Variants in AGTPBP1 observed in about 807,000 individuals in gnomAD.
The protein encoded by AGTPBP1 is cytosolic carboxypeptidase 1.
In AGTPBP1, 70 loss-of-function variants were observed where a neutral mutation model predicts 143.9. The ratio of observed to expected loss-of-function variants is 0.49; its 90% CI spans 0.40 to 0.59. AGTPBP1 has a LOEUF of 0.59. AGTPBP1 is among the 20% of genes least tolerant of loss of function. The pLI is 0.00. For missense variants in AGTPBP1, 1,229 were observed against 1,464.5 expected, an observed-to-expected ratio of 0.84 and a Z score of 2.62; for synonymous variants, 463 against 500.2, an observed-to-expected ratio of 0.93 and a Z score of 0.99.
the AGTPBP1 span, among the ~76,000 whole-genome samples, chr9:85,804,758 C>T: frequency 1.1e-4 from 17 of 152,328 alleles, no homozygotes; most frequent in Middle Eastern, 3.4e-3. Flanking sequence ...GAGATAACGT[C>T]AAAGCGCCCT....
chr9:85,673,626 G>A (rs1372064371), intron 6 of AGTPBP1, among the ~76,000 whole-genome samples: 3 of 152,082 alleles, frequency 2.0e-5, no homozygotes, highest in African/African-American at 7.2e-5. Context: ...AGAATGTTAA[G>A]ATTTATAGTA....
intron 14 of AGTPBP1, among the ~76,000 whole-genome samples, chr9:85,627,872 C>A (rs1249571863): frequency 6.6e-6 from 1 of 152,118 alleles, no homozygotes; most frequent in African/African-American, 2.4e-5. Flanking sequence ...AAATAATGTA[C>A]AAAATAAGTG....
chr9:85,741,674 C>A (rs1824298092), intron 1 of AGTPBP1, 101 bp downstream of exon 1: 4 of 1,254,992 alleles, frequency 3.2e-6, no homozygotes, highest in Middle Eastern at 3.1e-4. Flanking sequence ...GATCCGGGGT[C>A]GCCCCTCCTA....
intron 14 of AGTPBP1, among the ~76,000 whole-genome samples, chr9:85,627,070 AAGAG>A (rs1831346807): frequency 6.6e-6 from 1 of 152,192 alleles, no homozygotes; most frequent in Non-Finnish European, 1.5e-5. Flanking sequence ...AAGCCTACAA[AAGAG>A]AAACAGAGAG....
chr9:85,552,913 A>C (rs1257098035), intron 25 of AGTPBP1, among the ~76,000 whole-genome samples: 1 of 152,230 alleles, frequency 6.6e-6, no homozygotes, highest in Non-Finnish European at 1.5e-5. Context: ...CATTGCCTAA[A>C]TTATTGGCAA....
chr9:85,633,031 C>T lies in AGTPBP1; in HGVS notation c.1646G>A (p.Gly549Asp), dbSNP rs754300157. The part of the protein sequence containing the change: ...LQNIPSQTAP[G>D]FTAEMKKDCS... ...GTCCTTCTTCATTTCTGCAGTAAAA[C>T]CTGGGGCTGTTTGAGAAGGAATATT... is the stretch of plus-strand genomic sequence containing the variant. The change falls in exon 14 of 26, where the codon GGT becomes GAT. Residue 549 changes from glycine (G) to aspartate (D), a missense_variant. Gly to Asp is a moderately conservative substitution (Grantham distance 94). Around this residue, in one of 2 missense-constraint regions of AGTPBP1, gnomAD observed 743 missense variants for 812.2 expected, o/e 0.91. Transcript: ENST00000357081. The T allele has an allele frequency of 1.1e-5, 17 of 1,614,018 alleles. No homozygotes were observed. The highest frequency in any genetic ancestry group is 1.3e-5 in the Non-Finnish European group (15 of 1,180,038).
chr9:85,614,719 T>C (rs917330993), intron 17 of AGTPBP1, among the ~76,000 whole-genome samples: 16 of 152,074 alleles, frequency 1.1e-4, no homozygotes, highest in African/African-American at 4.8e-5. Flanking sequence ...AGAAACACAG[T>C]GGTACTAGAT....
Position 85,677,723 on chromosome 9 carries a change from C to T in AGTPBP1, c.290-141G>A, listed in dbSNP as rs529713938. 120 of 723,438 alleles carry T rather than the reference C, an allele frequency of 1.7e-4. No individual in the cohort carries two copies. The African/African-American group carries it at 1.9e-3, about 12-fold the overall frequency. 44.8% of individuals were successfully genotyped at this position (723,438 alleles called of 1,614,324 possible). ...GACCTCTAAAATCAAACAAATAAGG[C>T]TGGGCGCAGTAGCTCACGCCTGTAA... On this transcript the variant is annotated intron_variant, in intron 5 of 25. Coordinates refer to ENST00000357081, the MANE Select transcript of AGTPBP1 (RefSeq NM_001330701.2).
chr9:85,740,412 G>A (rs1056440846), intron 1 of AGTPBP1, among the ~76,000 whole-genome samples: 1 of 152,222 alleles, frequency 6.6e-6, no homozygotes, highest in Non-Finnish European at 1.5e-5. Context: ...TGCATGATGA[G>A]AAACAGTGGG....
intron 2 of AGTPBP1, among the ~76,000 whole-genome samples, chr9:85,697,436 T>C: frequency 6.9e-6 from 1 of 143,964 alleles, no homozygotes; most frequent in South Asian, 2.2e-4. Flanking sequence ...GGGTCTTAAT[T>C]TGTTTTTTGT....
chr9:85,706,124 G>T (rs768080250), intron 2 of AGTPBP1, among the ~76,000 whole-genome samples: 1 of 151,654 alleles, frequency 6.6e-6, no homozygotes, highest in Non-Finnish European at 1.5e-5. Context: ...AAGGAGCTAC[G>T]CCAACGAGAA....
At chr9:85,643,106 T>C (rs1012739214) in intron 12 of AGTPBP1, 163 bp from the exon 13 acceptor site, 7 of 593,892 alleles carry the variant, frequency 1.2e-5, no homozygotes, top group East Asian at 2.9e-5. Flanking sequence ...AATTTGCTTA[T>C]TGTTTTGGGG....
intron 14 of AGTPBP1, among the ~76,000 whole-genome samples, chr9:85,625,839 C>T (rs1475656070): frequency 2.9e-4 from 43 of 147,966 alleles, no homozygotes; most frequent in African/African-American, 9.7e-4. Flanking sequence ...GAGCCAAGAT[C>T]GTGCCACTGC....
chr9:85,719,013 G>A (rs1279902629), intron 1 of AGTPBP1, among the ~76,000 whole-genome samples: 1 of 152,130 alleles, frequency 6.6e-6, no homozygotes, highest in African/African-American at 2.4e-5. Context: ...CCTCTGTTCT[G>A]TTCCATTGGT....
intron 25 of AGTPBP1, among the ~76,000 whole-genome samples, chr9:85,573,307 T>C (rs1195809871): frequency 6.6e-6 from 1 of 152,212 alleles, no homozygotes; most frequent in Non-Finnish European, 1.5e-5. Context: ...GGTTTCGCTG[T>C]GTTGGCCGGG....
At chr9:85,583,752 G>C (rs1179256389) in intron 23 of AGTPBP1, among the ~76,000 whole-genome samples, 1 of 152,028 alleles carries the variant, frequency 6.6e-6, no homozygotes, top group Non-Finnish European at 1.5e-5. Flanking sequence ...AATATTTATT[G>C]AGTACTTATT....
At chr9:85,730,858 T>A (rs966026760) in intron 1 of AGTPBP1, among the ~76,000 whole-genome samples, 3 of 152,218 alleles carry the variant, frequency 2.0e-5, no homozygotes, top group African/African-American at 7.2e-5. Context: ...AGTCAATAAT[T>A]CCTTATATTA....
chr9:85,640,730 G>GA (rs11384625), intron 13 of AGTPBP1, among the ~76,000 whole-genome samples: 76,624 of 152,042 alleles, frequency 0.5, 21,981 homozygotes, highest in East Asian at 0.87. Flanking sequence ...TAGAATGCAA[G>GA]ACAACTCATC....
chr9:85,623,487 G>A (rs1430088428), intron 14 of AGTPBP1, among the ~76,000 whole-genome samples: 1 of 152,102 alleles, frequency 6.6e-6, no homozygotes, highest in African/African-American at 2.4e-5. Flanking sequence ...GGGCATGGTG[G>A]CTCGTGCCTG....
Sources: allele counts gnomAD v4.1 joint callset (sites outside exome capture counted in the v4.1 genomes callset), GRCh38; gene constraint gnomAD v4.1.1; regional missense constraint gnomAD v4.1.1; transcripts MANE v1.5; gene names NCBI Gene and HGNC (gene_info 2026-07-23, HGNC 2026-07-21).